Variants in ARID1B observed in about 807,000 individuals in gnomAD.
ARID1B encodes the protein AT-rich interactive domain-containing protein 1B.
A neutral mutation model predicts 212.3 loss-of-function variants in ARID1B; 30 were observed. The observed-to-expected ratio is 0.14, with a 90% CI of 0.11 to 0.19. The LOEUF (loss-of-function observed/expected upper bound fraction) is 0.19, where lower values mean the gene tolerates loss of function less well. Ranked by LOEUF, ARID1B falls within the 10% of genes least tolerant of loss-of-function variation. The pLI, the probability that ARID1B is intolerant of heterozygous loss-of-function variation, is 1.00. For synonymous variants in ARID1B, 1,402 were observed against 1,301.7 expected, an observed-to-expected ratio of 1.08 and a Z score of -1.66; for missense variants, 2,891 against 3,204.0, an observed-to-expected ratio of 0.90 and a Z score of 2.36.
At chr6:156,958,764 T>TAA (rs71779354) in intron 4 of ARID1B, among the ~76,000 whole-genome samples, 1,801 of 151,718 alleles carry the variant, frequency 0.012, 18 homozygotes, top group Non-Finnish European at 0.019. Context: ...TAATTTCTGC[T>TAA]AAAAAAAAGC....
intron 1 of ARID1B, among the ~76,000 whole-genome samples, chr6:156,783,600 A>G (rs565847703): frequency 2.0e-5 from 3 of 152,340 alleles, no homozygotes; most frequent in African/African-American, 4.8e-5. Flanking sequence ...ATAAATTCCA[A>G]TATCACAGGC....
intron 4 of ARID1B, among the ~76,000 whole-genome samples, chr6:157,039,915 C>CTTCCTTCT (rs1781758318): frequency 1.5e-5 from 2 of 133,680 alleles, no homozygotes; most frequent in Non-Finnish European, 3.2e-5. Flanking sequence ...TCCTTCCTTC[C>CTTCCTTCT]TTCTTTCTTT....
intron 4 of ARID1B, among the ~76,000 whole-genome samples, chr6:156,962,294 G>T (rs1191391411): frequency 6.6e-6 from 1 of 151,792 alleles, no homozygotes; most frequent in South Asian, 2.1e-4. Context: ...GCGAGGCTCT[G>T]TCTCAAAAAA....
chr6:157,097,532 A>G (rs1785728548), intron 5 of ARID1B, among the ~76,000 whole-genome samples: 1 of 152,188 alleles, frequency 6.6e-6, no homozygotes, highest in Admixed American at 6.5e-5. Flanking sequence ...CAAGGGAGTG[A>G]GCATCCGCAT....
intron 2 of ARID1B, among the ~76,000 whole-genome samples, chr6:156,864,396 A>G (rs1785539072): frequency 6.6e-6 from 1 of 152,152 alleles, no homozygotes. Flanking sequence ...AAGTAATGGT[A>G]ATATATAGGA....
At chr6:156,797,998 G>T (rs1430860943) in intron 1 of ARID1B, among the ~76,000 whole-genome samples, 1 of 152,248 alleles carries the variant, frequency 6.6e-6, no homozygotes, top group Non-Finnish European at 1.5e-5. Context: ...AAGCCTGGGG[G>T]CTGACATTGT....
At chr6:156,989,480 G>A (rs890667269) in intron 4 of ARID1B, among the ~76,000 whole-genome samples, 10 of 152,206 alleles carry the variant, frequency 6.6e-5, no homozygotes, top group African/African-American at 2.4e-4. Flanking sequence ...CAAAGCCAGT[G>A]TATAAATTGA....
intron 4 of ARID1B, chr6:157,024,709 T>C (rs944855847): frequency 6.6e-6 from 1 of 152,226 alleles, no homozygotes; most frequent in Non-Finnish European, 1.5e-5. Flanking sequence ...AGGCAGAGGT[T>C]ACAGTGAACC....
chr6:157,053,276 A>G (rs1782727338), intron 4 of ARID1B, among the ~76,000 whole-genome samples: 1 of 152,002 alleles, frequency 6.6e-6, no homozygotes, highest in South Asian at 2.1e-4. Flanking sequence ...TAGTAAAGAC[A>G]TGGTTTCACC....
intron 4 of ARID1B, among the ~76,000 whole-genome samples, chr6:157,032,048 C>T (rs1048446951): frequency 7.9e-5 from 12 of 152,324 alleles, no homozygotes; most frequent in African/African-American, 2.4e-4. Context: ...CCTCCTGCCT[C>T]GGCCTGCCAA....
At chr6:157,087,401 C>A (rs1030936196) in intron 5 of ARID1B, among the ~76,000 whole-genome samples, 1 of 152,148 alleles carries the variant, frequency 6.6e-6, no homozygotes, top group Admixed American at 6.5e-5. Context: ...GCCATATAAC[C>A]TTGAAGAAGC....
chr6:157,206,373 CGAG>C lies in ARID1B; in HGVS notation c.5607_5609del (p.Glu1869del), dbSNP rs1369134128. The C allele has an allele frequency of 1.5e-5, 24 of 1,613,932 alleles. No individual in the cohort carries two copies. Among genetic ancestry groups the C allele is most frequent in the Admixed American group, 6.7e-5 (4 of 60,002 alleles). ...AATGTATTGATGACGACGAGGAAGA[CGAG>C]GAGGATGAGGAGGAAGACAGCGAGA... On this transcript the variant is annotated inframe_deletion, in exon 20 of 20. Coordinates refer to ENST00000636930, the MANE Select transcript of ARID1B (RefSeq NM_001374828.1). The surrounding 1 kb of genome is among the most constrained non-coding windows in gnomAD (Gnocchi z 6.8).
intron 3 of ARID1B, among the ~76,000 whole-genome samples, chr6:156,928,883 T>C (rs550138517): frequency 6.6e-6 from 1 of 152,362 alleles, no homozygotes; most frequent in East Asian, 1.9e-4. Flanking sequence ...CTTAAGATTA[T>C]AATTTTTCAA....
intron 4 of ARID1B, among the ~76,000 whole-genome samples, chr6:156,964,483 A>C (rs1372941898): frequency 6.6e-6 from 1 of 152,220 alleles, no homozygotes; most frequent in East Asian, 1.9e-4. Context: ...CAGAAAGGCT[A>C]ATTTAATATT....
chr6:157,078,922 C>T (rs1261042461), intron 4 of ARID1B, among the ~76,000 whole-genome samples: 3 of 152,128 alleles, frequency 2.0e-5, no homozygotes, highest in Non-Finnish European at 4.4e-5. Context: ...TAGTTCTTGG[C>T]CACCCCTCTT....
chr6:157,161,440 T>C (rs950789494), intron 8 of ARID1B, among the ~76,000 whole-genome samples: 3 of 150,178 alleles, frequency 2.0e-5, no homozygotes, highest in Middle Eastern at 6.4e-3. Flanking sequence ...TGTATATATA[T>C]ATATATATAT....
chr6:157,103,294 G>A (rs1786210925), intron 5 of ARID1B, among the ~76,000 whole-genome samples: 2 of 151,892 alleles, frequency 1.3e-5, no homozygotes, highest in African/African-American at 2.4e-5. Context: ...TATATGCCTG[G>A]TTCAAGAGAT....
intron 15 of ARID1B, chr6:157,195,248 G>A (rs1793637786): frequency 6.6e-6 from 1 of 152,214 alleles, no homozygotes; most frequent in Non-Finnish European, 1.5e-5. Flanking sequence ...GTGTCTGCCA[G>A]CACTGTGAGC....
chr6:156,904,804 G>T (rs779888346), intron 3 of ARID1B, among the ~76,000 whole-genome samples: 1 of 152,186 alleles, frequency 6.6e-6, no homozygotes, highest in Non-Finnish European at 1.5e-5. Context: ...GTAAAACATT[G>T]TTTCAGTCAC....
Sources: allele counts gnomAD v4.1 joint callset (sites outside exome capture counted in the v4.1 genomes callset), GRCh38; gene constraint gnomAD v4.1.1; non-coding constraint Gnocchi (gnomAD v3.1); transcripts MANE v1.5; gene names NCBI Gene and HGNC (gene_info 2026-07-23, HGNC 2026-07-21).